The following GRM5 variants were observed in gnomAD, a reference collection of about 807,000 sequenced individuals.
GRM5 encodes glutamate metabotropic receptor 5.
In GRM5, 19 loss-of-function variants were observed where a neutral mutation model predicts 83.1. That is an observed-to-expected ratio of 0.23 (90% CI 0.16 to 0.34). GRM5 has a LOEUF of 0.34. GRM5 is among the 10% of genes least tolerant of loss of function. The pLI, the probability that GRM5 is intolerant of heterozygous loss-of-function variation, is 1.00. For synonymous variants in GRM5, 675 were observed against 633.6 expected (o/e 1.07, Z -0.98); for missense variants, 1,160 against 1,588.3 (o/e 0.73, Z 4.58).
intron 3 of GRM5, among the ~76,000 whole-genome samples, chr11:88,836,568 G>A (rs1944098750): frequency 4.6e-5 from 7 of 152,138 alleles, no homozygotes; most frequent in Admixed American, 4.6e-4. Context: ...GGGAAGATGA[G>A]GTCACTGGAA....
chr11:88,627,149 G>A (rs1938822861), intron 4 of GRM5, among the ~76,000 whole-genome samples: 1 of 152,208 alleles, frequency 6.6e-6, no homozygotes, highest in South Asian at 2.1e-4. Flanking sequence ...TGAAGAAAGA[G>A]AGTTTAAGCA....
chr11:88,634,163 G>A (rs1939055585), intron 4 of GRM5, among the ~76,000 whole-genome samples: 1 of 152,180 alleles, frequency 6.6e-6, no homozygotes, highest in South Asian at 2.1e-4. Context: ...TGCAGGACTG[G>A]AAGTTGTTCT....
At chr11:88,853,432 A>T (rs1213819197) in intron 2 of GRM5, among the ~76,000 whole-genome samples, 2 of 152,126 alleles carry the variant, frequency 1.3e-5, no homozygotes, top group East Asian at 3.9e-4. Flanking sequence ...ATATACAGAA[A>T]ATAAAATGTA....
chr11:89,058,722 T>C (rs1941926952), intron 1 of GRM5, among the ~76,000 whole-genome samples: 1 of 152,214 alleles, frequency 6.6e-6, no homozygotes, highest in Non-Finnish European at 1.5e-5. Flanking sequence ...AGGTTGATAT[T>C]ACCTTACATT....
chr11:88,525,303 G>C lies in GRM5; in HGVS notation c.2726+6C>G, dbSNP rs1160234219. 6.5e-7 allele frequency: 1 copy of C among 1,544,834 alleles called. No individual in the cohort carries two copies. Among genetic ancestry groups the C allele is most frequent in the Non-Finnish European group, 8.9e-7 (1 of 1,117,722 alleles). ...CACCACCTCAGGCCACTCATAGTTT[G>C]CTTACCTGCTCATTGTTGCTCTCCC... On this transcript the variant is annotated splice_donor_region_variant and intron_variant, in intron 9 of 9. Coordinates refer to ENST00000305447, the MANE Select transcript of GRM5 (RefSeq NM_001143831.3).
intron 2 of GRM5, among the ~76,000 whole-genome samples, chr11:88,855,825 C>T (rs533261070): frequency 6.6e-6 from 1 of 151,724 alleles, no homozygotes; most frequent in Non-Finnish European, 1.5e-5. Context: ...ACTGTGAGCC[C>T]ATAGAGGGTA....
rs558035424 is a variant in GRM5, at chr11:88,838,858, C to A, written c.911+11048G>T. Among the ~76,000 whole-genome samples the A allele has an allele frequency of 4.2e-5, 6 of 142,364 alleles. No individual in the cohort carries two copies. The South Asian group carries it at 1.1e-3, about 27-fold the overall frequency. 93.4% of individuals were successfully genotyped at this position (142,364 alleles called of 152,430 possible). On this transcript the variant is annotated intron_variant, in intron 3 of 9. Coordinates refer to ENST00000305447, the MANE Select transcript of GRM5 (RefSeq NM_001143831.3). The stretch of plus-strand genomic sequence containing the variant: ...GACTGTTTCTCAACCCACTGCCACA[C>A]CCCTTATGCTACACACACACACACA...
intron 4 of GRM5, among the ~76,000 whole-genome samples, chr11:88,629,863 C>G (rs1166751217): frequency 6.6e-6 from 1 of 152,214 alleles, no homozygotes; most frequent in African/African-American, 2.4e-5. Flanking sequence ...GGCTTCATGT[C>G]TCAATTGAGT....
intron 2 of GRM5, among the ~76,000 whole-genome samples, chr11:88,869,442 C>A (rs1388814698): frequency 6.6e-6 from 1 of 151,584 alleles, no homozygotes; most frequent in Non-Finnish European, 1.5e-5. Flanking sequence ...AATGACTGTT[C>A]ATAATCCCTT....
At chr11:89,018,529 T>TA (rs1435631943) in intron 2 of GRM5, among the ~76,000 whole-genome samples, 4 of 152,228 alleles carry the variant, frequency 2.6e-5, no homozygotes, top group African/African-American at 9.6e-5. Flanking sequence ...AAATTTATTC[T>TA]ACTATGTCTT....
chr11:88,547,705 C>G (rs1310153133), intron 8 of GRM5, among the ~76,000 whole-genome samples: 1 of 152,034 alleles, frequency 6.6e-6, no homozygotes, highest in South Asian at 2.1e-4. Context: ...ATGAAGAGCA[C>G]AAGGAGTAGG....
intron 3 of GRM5, among the ~76,000 whole-genome samples, chr11:88,781,029 T>C (rs191861743): frequency 1.3e-5 from 2 of 151,744 alleles, no homozygotes; most frequent in African/African-American, 2.4e-5. Context: ...TCCTAGTCTT[T>C]CTTAGTAACT....
chr11:88,565,570 A>G (rs1288769691), intron 8 of GRM5, among the ~76,000 whole-genome samples: 1 of 152,242 alleles, frequency 6.6e-6, no homozygotes, highest in African/African-American at 2.4e-5. Context: ...TGATAAAACA[A>G]AAGTTTGAAA....
chr11:89,065,317 G>C (rs1264651379), intron 1 of GRM5, among the ~76,000 whole-genome samples: 2 of 146,132 alleles, frequency 1.4e-5, no homozygotes, highest in East Asian at 2.0e-4. Flanking sequence ...CACACAGACA[G>C]AGGGAGAGAG....
intron 1 of GRM5, among the ~76,000 whole-genome samples, chr11:89,064,649 C>T (rs1337900763): frequency 6.6e-6 from 1 of 151,870 alleles, no homozygotes; most frequent in African/African-American, 2.4e-5. Flanking sequence ...CTACATTGTT[C>T]AATAGAGAAA....
In GRM5 at chr11:88,953,340, T is replaced by TAG. The variant is rs372662284; in HGVS notation, c.661+93870_661+93871dup. Among the ~76,000 whole-genome samples the TAG allele has an allele frequency of 4.5e-3, 689 of 152,300 alleles. 10 individuals are homozygous for TAG. Among genetic ancestry groups the TAG allele is most frequent in the African/African-American group, 0.015 (644 of 41,572 alleles). On this transcript the variant is annotated intron_variant, in intron 2 of 9. Coordinates refer to ENST00000305447, the MANE Select transcript of GRM5 (RefSeq NM_001143831.3). Reference sequence around the variant, plus strand: ...GCCAGTAGATTAAAATCCCATACCATAGAATTGGGCAGGTAATAGGCTCTC... The same window carrying TAG: ...GCCAGTAGATTAAAATCCCATACCATAGAGAATTGGGCAGGTAATAGGCTCTC...
At chr11:89,027,521 G>C (rs1266164946) in intron 2 of GRM5, among the ~76,000 whole-genome samples, 1 of 152,154 alleles carries the variant, frequency 6.6e-6, no homozygotes, top group African/African-American at 2.4e-5. Flanking sequence ...AATAGTTTAT[G>C]ACAAAGCTTC....
At chr11:88,526,825 C>T (rs777595811) in intron 8 of GRM5, among the ~76,000 whole-genome samples, 2 of 151,850 alleles carry the variant, frequency 1.3e-5, no homozygotes, top group African/African-American at 2.4e-5. Flanking sequence ...ACCTATTTAA[C>T]GGACATTAGT....
chr11:89,059,719 T>C (rs183012494), intron 1 of GRM5, among the ~76,000 whole-genome samples: 5 of 152,258 alleles, frequency 3.3e-5, no homozygotes, highest in Non-Finnish European at 7.4e-5. Context: ...CTGGGTAGGA[T>C]TGATAGTTTG....
Sources: allele counts gnomAD v4.1 joint callset (sites outside exome capture counted in the v4.1 genomes callset), GRCh38; gene constraint gnomAD v4.1.1; transcripts MANE v1.5; gene names NCBI Gene and HGNC (gene_info 2026-07-23, HGNC 2026-07-21).